The following ZNF257 variants were observed in gnomAD, a reference collection of about 807,000 sequenced individuals.
The protein encoded by ZNF257 is bone marrow zinc finger 4.
ZNF257 carries 12 observed loss-of-function variants against 11.9 expected under a neutral mutation model. That is an observed-to-expected ratio of 1.01 (90% CI 0.65 to 1.63). The LOEUF (loss-of-function observed/expected upper bound fraction) is 1.63. ZNF257 is among the 40% of genes most tolerant of loss of function. ZNF257 has a pLI of 0.00. For synonymous variants in ZNF257, 183 were observed against 222.7 expected (o/e 0.82, Z 1.59); for missense variants, 580 against 665.5 (o/e 0.87, Z 1.41).
At chr19:22,060,531 A>G (rs1337874820) in intron 1 of ZNF257, 1 of 144,136 alleles carries the variant, frequency 6.9e-6, no homozygotes, top group Non-Finnish European at 1.5e-5. Flanking sequence ...CTGTCGTCAG[A>G]CTGGAGTGCA....
chr19:22,063,224 A>G (rs1411323641), intron 1 of ZNF257, among the ~76,000 whole-genome samples: 1 of 151,926 alleles, frequency 6.6e-6, no homozygotes. Flanking sequence ...TCCCTTTGTC[A>G]TTTCTAATTG....
At chr19:22,073,854 T>C (rs1945767480) in intron 3 of ZNF257, among the ~76,000 whole-genome samples, 1 of 152,164 alleles carries the variant, frequency 6.6e-6, no homozygotes, top group South Asian at 2.1e-4. Flanking sequence ...TGACTGCTTT[T>C]TCATTGTTTT....
intron 1 of ZNF257, among the ~76,000 whole-genome samples, chr19:22,054,075 C>CCTTT (rs1555756629): frequency 1.1e-5 from 1 of 88,216 alleles, no homozygotes; most frequent in African/African-American, 7.7e-5. Context: ...ATTTGTTTTT[C>CCTTT]TTTTTTTTTT....
intron 1 of ZNF257, among the ~76,000 whole-genome samples, chr19:22,072,297 A>G (rs920345402): frequency 6.6e-6 from 1 of 152,156 alleles, no homozygotes; most frequent in Non-Finnish European, 1.5e-5. Flanking sequence ...TTTATCTGGT[A>G]GCTGCCCCTC....
intron 1 of ZNF257, chr19:22,060,524 T>C (rs2145687943): frequency 6.6e-6 from 1 of 151,172 alleles, no homozygotes. Context: ...TCTTGCTCTG[T>C]CGTCAGACTG....
In ZNF257 at chr19:22,091,401, A is replaced by AGT. The variant is rs976631629; in HGVS notation, c.*1961_*1962dup. The AGT allele has an allele frequency of 6.9e-6, 1 of 144,326 alleles. No individual in the cohort carries two copies. The highest frequency in any genetic ancestry group is 7.3e-5 in the Admixed American group (1 of 13,632). The allele number at this position is 144,326 out of a possible 1,614,324, so 8.9% of individuals were successfully genotyped here. A position where few individuals can be genotyped will look rare whatever the true frequency, so the allele number is the denominator to read the frequency against. On this transcript the variant is annotated 3_prime_UTR_variant, in exon 4 of 4. Transcript: ENST00000594947. The stretch of plus-strand genomic sequence containing the variant: ...CGTGTACCCAGGAGGCAGAGGTTGC[A>AGT]GTGAGCCAAGATCACGACATTGCAC...
In ZNF257 at chr19:22,089,179, C is replaced by A; in HGVS notation, c.1429C>A (p.His477Asn). ...AFNQSSHLTQ[H>N]KIIHTGEKPY... ...TAACCAGTCTTCACACCTTACTCAA[C>A]ATAAAATAATTCATACTGGGGAGAA... The change falls in exon 4 of 4, where the codon CAT becomes AAT. Residue 477 changes from histidine to asparagine, a missense_variant. Physicochemically the swap from His to Asn is moderately conservative, Grantham distance 68 (BLOSUM62 1). Transcript: ENST00000594947. The A allele has an allele frequency of 6.2e-7, 1 of 1,613,756 alleles. No individual in the cohort carries two copies. The highest frequency in any genetic ancestry group is 8.5e-7 in the Non-Finnish European group (1 of 1,179,862).
intron 1 of ZNF257, among the ~76,000 whole-genome samples, chr19:22,053,190 G>C (rs907292694): frequency 6.6e-5 from 10 of 151,818 alleles, no homozygotes; most frequent in Non-Finnish European, 1.5e-4. Context: ...CCAATATGGT[G>C]AAACCCCGCC....
rs555293490 is a variant in ZNF257, at chr19:22,088,783, C to T, written c.1033C>T (p.Gln345Ter). 4 of 1,575,828 alleles carry T rather than the reference C, an allele frequency of 2.5e-6. No homozygotes were observed. Among genetic ancestry groups the T allele is most frequent in the Admixed American group, 1.8e-5 (1 of 56,628 alleles). Residue 345 changes from glutamine (Q) to a stop codon, truncating the protein, a stop_gained, in exon 4 of 4, where the codon CAA becomes TAA. Coordinates refer to ENST00000594947, the MANE Select transcript of ZNF257 (RefSeq NM_033468.4). LOFTEE classifies it low-confidence loss of function (END_TRUNC). ...GATTCATACTGGAGAGAAACCCTTC[C>T]AATGTGAAGAGTGTGGCAAAGCTTT... Reference protein sequence around the residue: ...KMIHTGEKPFQCEECGKAFNR... With the variant: ...KMIHTGEKPF
intron 3 of ZNF257, among the ~76,000 whole-genome samples, chr19:22,077,618 A>C (rs965589466): frequency 1.3e-5 from 2 of 152,130 alleles, no homozygotes; most frequent in African/African-American, 2.4e-5. Context: ...TATGAGGCTG[A>C]ATAATATTTC....
In ZNF257 at chr19:22,088,862, C is replaced by T. The variant is rs1225142207; in HGVS notation, c.1112C>T (p.Pro371Leu). The T allele has an allele frequency of 6.2e-7, 1 of 1,613,262 alleles. No homozygotes were observed. Among genetic ancestry groups the T allele is most frequent in the South Asian group, 1.1e-5 (1 of 91,034 alleles). ...QHKIIHTKEK[P>L]YKCEECGKAF... ...AAGATAATTCATACTAAAGAGAAAC[C>T]CTACAAATGTGAAGAGTGTGGAAAA... The change falls in exon 4 of 4, where the codon CCC (proline) becomes CTC (leucine). Residue 371 changes from proline (P) to leucine (L), a missense_variant. By Grantham distance (98) the Pro-to-Leu change is moderately conservative. Coordinates refer to ENST00000594947, the MANE Select transcript of ZNF257 (RefSeq NM_033468.4).
At chr19:22,061,177 G>A (rs2021786307) in intron 1 of ZNF257, among the ~76,000 whole-genome samples, 1 of 151,872 alleles carries the variant, frequency 6.6e-6, no homozygotes, top group African/African-American at 2.4e-5. Context: ...TTGGTAGTTT[G>A]ATAGGAATAG....
chr19:22,071,154 G>C (rs954071023), intron 1 of ZNF257, among the ~76,000 whole-genome samples: 9 of 152,114 alleles, frequency 5.9e-5, no homozygotes, highest in African/African-American at 2.2e-4. Context: ...TTGGGTTTGG[G>C]AGAGACAAGG....
chr19:22,081,070 G>T (rs182130342), intron 3 of ZNF257, among the ~76,000 whole-genome samples: 1 of 151,574 alleles, frequency 6.6e-6, no homozygotes, highest in Non-Finnish European at 1.5e-5. Context: ...GTAGAGTCGG[G>T]GTTTCACCAT....
rs780779622 is a variant in ZNF257 at position 22,088,635 on chromosome 19, G to T, written c.885G>T (p.Lys295Asn). The change falls in exon 4 of 4, where the codon AAG (lysine) becomes AAT (asparagine). Residue 295 changes from lysine to asparagine, a missense_variant. Lys to Asn is a moderately conservative substitution (Grantham distance 94, BLOSUM62 0). Transcript: ENST00000594947. Reference sequence around the variant, plus strand: ...ATGATGAATGTTGCAAAGCCTTTAAGTGGTCCTCAGCTCTTACTACCCTTA... The same window carrying T: ...ATGATGAATGTTGCAAAGCCTTTAATTGGTCCTCAGCTCTTACTACCCTTA... Reference protein sequence around the residue: ...FKYDECCKAFKWSSALTTLTQ... With the variant: ...FKYDECCKAFNWSSALTTLTQ... 2 of 1,606,934 alleles carry T rather than the reference G, an allele frequency of 1.2e-6. No homozygotes were observed. Among genetic ancestry groups the T allele is most frequent in the Non-Finnish European group, 1.7e-6 (2 of 1,178,646 alleles).
chr19:22,085,711 A>C (rs867138142), intron 3 of ZNF257, among the ~76,000 whole-genome samples: 5 of 148,234 alleles, frequency 3.4e-5, no homozygotes, highest in African/African-American at 1.3e-4. Context: ...CACACACACA[A>C]ACACGCAAAC....
chr19:22,067,647 C>T (rs902406665), intron 1 of ZNF257, among the ~76,000 whole-genome samples: 4 of 151,838 alleles, frequency 2.6e-5, no homozygotes, highest in Non-Finnish European at 5.9e-5. Flanking sequence ...CCAGCCTGGC[C>T]AACATGGTGA....
chr19:22,088,931 A>T lies in ZNF257; in HGVS notation c.1181A>T (p.His394Leu). 6.2e-7 allele frequency: 1 copy of T among 1,612,768 alleles called. No homozygotes were observed. Among genetic ancestry groups the T allele is most frequent in the Non-Finnish European group, 8.5e-7 (1 of 1,179,300 alleles). Reference protein sequence around the residue: ...SSHLTKHKRIHTREKAYKCDE... With the variant: ...SSHLTKHKRILTREKAYKCDE... ...CACCTTACTAAACATAAGAGAATTC[A>T]TACTAGAGAGAAGGCCTACAAATGT... Residue 394 changes from histidine (H) to leucine (L), a missense_variant, in exon 4 of 4, where the codon CAT (histidine) becomes CTT (leucine). Transcript: ENST00000594947.
Position 22,088,881 on chromosome 19 carries a change from T to C in ZNF257, c.1131T>C (p.Cys377=), listed in dbSNP as rs768631495. 8.7e-6 allele frequency: 14 copies of C among 1,612,344 alleles called. No homozygotes were observed. Among genetic ancestry groups the C allele is most frequent in the Non-Finnish European group, 1.2e-5 (14 of 1,178,844 alleles). ...AGAAACCCTACAAATGTGAAGAGTGTGGAAAAGCCTTTAACCGGTCTTCAC... is the reference window on the plus strand; with the variant it reads ...AGAAACCCTACAAATGTGAAGAGTGCGGAAAAGCCTTTAACCGGTCTTCAC... ...TKEKPYKCEE[C]GKAFNRSSHL... The change falls in exon 4 of 4, where the codon TGT becomes TGC. Residue 377 remains cysteine (C), a synonymous_variant. Coordinates refer to ENST00000594947, the MANE Select transcript of ZNF257 (RefSeq NM_033468.4).
Sources: allele counts gnomAD v4.1 joint callset (sites outside exome capture counted in the v4.1 genomes callset), GRCh38; gene constraint gnomAD v4.1.1; transcripts MANE v1.5; gene names NCBI Gene and HGNC (gene_info 2026-07-23, HGNC 2026-07-21).